The following TMEM242 variants were observed in gnomAD, a reference collection of about 807,000 sequenced individuals.
TMEM242 encodes transmembrane protein 242, also known as UPF0463 transmembrane protein C6orf35.
TMEM242 carries 10 observed loss-of-function variants against 18.2 expected under a neutral mutation model. The ratio of observed to expected loss-of-function variants is 0.55; its 90% CI spans 0.34 to 0.93. TMEM242 has a LOEUF of 0.93. TMEM242 is among the 40% of genes least tolerant of loss of function. The pLI, the probability that TMEM242 is intolerant of heterozygous loss-of-function variation, is 0.02. For missense variants in TMEM242, 186 were observed against 175.5 expected (o/e 1.06, Z -0.34); for synonymous variants, 57 against 69.9 (o/e 0.81, Z 0.92).
chr6:157,302,959 ATCC>A (rs781799965), intron 3 of TMEM242, among the ~76,000 whole-genome samples: 1 of 152,190 alleles, frequency 6.6e-6, no homozygotes, highest in East Asian at 1.9e-4. Flanking sequence ...CAGCTCTCAA[ATCC>A]TCCTTTTCCT....
At chr6:157,315,044 G>A (rs1778365025) in intron 3 of TMEM242, among the ~76,000 whole-genome samples, 1 of 152,182 alleles carries the variant, frequency 6.6e-6, no homozygotes, top group South Asian at 2.1e-4. Context: ...GATCATCTCA[G>A]TTATTTATTG....
rs587659768 is a variant in TMEM242, at chr6:157,315,744, C to CA, written c.327+3037dup. ...TAGGCAGCAATCCTTGTATCAATGC[C>CA]AAAAAACAAAGAAGTTCACATTCTA... On this transcript the variant is annotated intron_variant, in intron 3 of 3. Transcript: ENST00000400788. Among the ~76,000 whole-genome samples the CA allele has an allele frequency of 2.2e-4, 33 of 152,178 alleles. 1 individual carries two copies. In the South Asian group the frequency reaches 6.2e-3, roughly 29 times the overall value.
intron 3 of TMEM242, among the ~76,000 whole-genome samples, chr6:157,312,738 GCGCT>G (rs1562385301): frequency 8.3e-4 from 65 of 78,266 alleles, no homozygotes; most frequent in Non-Finnish European, 9.8e-4. Flanking sequence ...GTCCCAGTGT[GCGCT>G]CACCTGGCCT....
intron 3 of TMEM242, among the ~76,000 whole-genome samples, chr6:157,313,470 A>G (rs370540854): frequency 8.7e-5 from 13 of 149,292 alleles, no homozygotes; most frequent in Non-Finnish European, 1.3e-4. Context: ...TGGCCTCATC[A>G]TAGTGCCCCA....
Position 157,292,787 on chromosome 6 carries a change from T to A in TMEM242, c.*114A>T. On this transcript the variant is annotated 3_prime_UTR_variant, in exon 4 of 4. Coordinates refer to ENST00000400788, the MANE Select transcript of TMEM242 (RefSeq NM_018452.6). The stretch of plus-strand genomic sequence containing the variant: ...AATGCTATCCAGTGCACTGGTTCAG[T>A]CAGCAATCTGCCCATGTTCCTGGGA... 8.7e-6 allele frequency: 7 copies of A among 809,122 alleles called. No individual in the cohort carries two copies. The highest frequency in any genetic ancestry group is 1.4e-5 in the Non-Finnish European group (7 of 483,906). The allele number at this position is 809,122 out of a possible 1,614,324, so 50.1% of individuals were successfully genotyped here.
At chr6:157,321,101 C>T (rs754372407) in intron 2 of TMEM242, among the ~76,000 whole-genome samples, 11 of 151,400 alleles carry the variant, frequency 7.3e-5, no homozygotes, top group Non-Finnish European at 1.3e-4. Flanking sequence ...CTCCGCCTCC[C>T]GGGTTCACGC....
intron 3 of TMEM242, among the ~76,000 whole-genome samples, chr6:157,304,174 A>G (rs1307451047): frequency 1.3e-5 from 2 of 152,162 alleles, no homozygotes; most frequent in Non-Finnish European, 2.9e-5. Flanking sequence ...AAAGAAATTA[A>G]AATTCATTAG....
Position 157,292,071 on chromosome 6 carries a change from T to C in TMEM242, c.*830A>G, listed in dbSNP as rs868927366. ...GGGAGGTGGTCCCAAATACTTTATATTGGGACTCCGTACTCAGGTGACTTT... is the reference window on the plus strand; with the variant it reads ...GGGAGGTGGTCCCAAATACTTTATACTGGGACTCCGTACTCAGGTGACTTT... On this transcript the variant is annotated 3_prime_UTR_variant, in exon 4 of 4. Coordinates refer to ENST00000400788, the MANE Select transcript of TMEM242 (RefSeq NM_018452.6). 3 of 152,164 alleles carry C rather than the reference T, an allele frequency of 2.0e-5. No homozygotes were observed. The East Asian group carries it at 5.8e-4, about 29-fold the overall frequency. 9.4% of individuals were successfully genotyped at this position (152,164 alleles called of 1,614,324 possible).
At chr6:157,311,287 CACCGAG>C (rs1778071294) in intron 3 of TMEM242, among the ~76,000 whole-genome samples, 2 of 149,342 alleles carry the variant, frequency 1.3e-5, no homozygotes, top group Non-Finnish European at 3.0e-5. Context: ...CGTGTGCACA[CACCGAG>C]CCTCATTATA....
At chr6:157,313,574 A>G (rs1554249838) in intron 3 of TMEM242, among the ~76,000 whole-genome samples, 5 of 151,186 alleles carry the variant, frequency 3.3e-5, no homozygotes, top group African/African-American at 1.2e-4. Context: ...GCCTCATCAT[A>G]GTGTCCCAGT....
At chr6:157,303,835 G>A (rs972211975) in intron 3 of TMEM242, among the ~76,000 whole-genome samples, 1 of 151,220 alleles carries the variant, frequency 6.6e-6, no homozygotes, top group East Asian at 1.9e-4. Context: ...TGGTGGCGGG[G>A]GGAGGGGGGG....
rs1343961899 is a variant in TMEM242, at chr6:157,305,731, CCA to C, written c.328-12734_328-12733del. Reference sequence around the variant, plus strand: ...AGTGAGGTGGAAGGTAGCTCAGAAGCCACAGTGTTTCAGGATGGAGGGGGGGC... The same window carrying C: ...AGTGAGGTGGAAGGTAGCTCAGAAGCCAGTGTTTCAGGATGGAGGGGGGGC... On this transcript the variant is annotated intron_variant, in intron 3 of 3. Coordinates refer to ENST00000400788, the MANE Select transcript of TMEM242 (RefSeq NM_018452.6). The surrounding 1 kb of genome is among the most constrained non-coding windows in gnomAD (Gnocchi z 4.1). Among the ~76,000 whole-genome samples the C allele has an allele frequency of 4.7e-5, 7 of 149,854 alleles. No individual in the cohort carries two copies. The highest frequency in any genetic ancestry group is 1.5e-4 in the African/African-American group (6 of 40,490).
intron 3 of TMEM242, among the ~76,000 whole-genome samples, chr6:157,304,775 A>C (rs587608991): frequency 4.6e-5 from 7 of 152,352 alleles, no homozygotes; most frequent in African/African-American, 1.7e-4. Context: ...GGGAATGAAG[A>C]CATCTGGAGA....
At chr6:157,306,292 G>A (rs1341815262) in intron 3 of TMEM242, among the ~76,000 whole-genome samples, 2 of 152,242 alleles carry the variant, frequency 1.3e-5, no homozygotes, top group African/African-American at 4.8e-5. Flanking sequence ...GGCAAGGCGG[G>A]AGGCAGGGAG....
chr6:157,299,401 T>C, intron 3 of TMEM242: 2 of 1,256,596 alleles, frequency 1.6e-6, no homozygotes, highest in Non-Finnish European at 2.3e-6. Flanking sequence ...CTATGTTCAC[T>C]CCACTCCATA....
At chr6:157,313,417 G>T (rs1175903152) in intron 3 of TMEM242, among the ~76,000 whole-genome samples, 23 of 26,038 alleles carry the variant, frequency 8.8e-4, no homozygotes, top group East Asian at 7.3e-3. Context: ...TGTCCAGTGT[G>T]CGCTCACCTG....
chr6:157,305,228 G>C lies in TMEM242; in HGVS notation c.328-12229C>G, dbSNP rs1194774450. 6.6e-6 allele frequency among the ~76,000 whole-genome samples: 1 copy of C among 152,142 alleles called. No individual in the cohort carries two copies. Among genetic ancestry groups the C allele is most frequent in the Non-Finnish European group, 1.5e-5 (1 of 68,026 alleles). On this transcript the variant is annotated intron_variant, in intron 3 of 3. Transcript: ENST00000400788. This position sits in a 1 kb window ranked among gnomAD's most constrained non-coding sequence, Gnocchi z 4.1. ...TGGATGTGGAGAGATGAAGGAGGCAGGCGGTGTTCAGCGGCAGAGCTGACA... is the reference window on the plus strand; with the variant it reads ...TGGATGTGGAGAGATGAAGGAGGCACGCGGTGTTCAGCGGCAGAGCTGACA...
intron 3 of TMEM242, among the ~76,000 whole-genome samples, chr6:157,310,998 C>T (rs1554248553): frequency 1.0e-3 from 1 of 986 alleles, no homozygotes; most frequent in African/African-American, 9.6e-3. Context: ...GCTAACCTAG[C>T]CTCCCCAGTG....
chr6:157,317,096 T>C (rs1274640393), intron 3 of TMEM242, among the ~76,000 whole-genome samples: 1 of 152,216 alleles, frequency 6.6e-6, no homozygotes, highest in African/African-American at 2.4e-5. Context: ...CATCAGCATA[T>C]ACATGCTGTT....
Sources: allele counts gnomAD v4.1 joint callset (sites outside exome capture counted in the v4.1 genomes callset), GRCh38; gene constraint gnomAD v4.1.1; non-coding constraint Gnocchi (gnomAD v3.1); transcripts MANE v1.5; gene names NCBI Gene and HGNC (gene_info 2026-07-23, HGNC 2026-07-21).